RTN1: variants seen among roughly 807,000 people sequenced by gnomAD.
The protein encoded by RTN1 is reticulon 1, also known as reticulon-1.
A neutral mutation model predicts 65.5 loss-of-function variants in RTN1; 25 were observed. The observed-to-expected ratio is 0.38, with a 90% CI of 0.28 to 0.53. RTN1 has a LOEUF of 0.53. RTN1 is among the 20% of genes least tolerant of loss of function. RTN1 has a pLI of 0.79. For synonymous variants in RTN1, 471 were observed against 447.6 expected (o/e 1.05, Z -0.66); for missense variants, 983 against 1,025.4 (o/e 0.96, Z 0.57).
Position 59,794,743 on chromosome 14 carries a change from C to G in RTN1, c.242-48262G>C, listed in dbSNP as rs1388163842. ...AGGAAAAAGAAAGGAAAGAACATAC[C>G]CTTTTCTTTTCAGGGAACAATTCAG... On this transcript the variant is annotated intron_variant, in intron 1 of 8. Transcript: ENST00000267484. The surrounding 1 kb of genome is among the most constrained non-coding windows in gnomAD (Gnocchi z 5.1). Among the ~76,000 whole-genome samples, 1 of 151,742 alleles carries G rather than the reference C, an allele frequency of 6.6e-6. No individual in the cohort carries two copies. The highest frequency in any genetic ancestry group is 1.5e-5 in the Non-Finnish European group (1 of 67,980).
chr14:59,754,799 G>C (rs1885602602), intron 1 of RTN1, among the ~76,000 whole-genome samples: 1 of 152,134 alleles, frequency 6.6e-6, no homozygotes, highest in Non-Finnish European at 1.5e-5. Context: ...GAGTGGGCCA[G>C]AAGGAGTTTC....
intron 1 of RTN1, among the ~76,000 whole-genome samples, chr14:59,798,211 C>T (rs1452618489): frequency 6.6e-6 from 1 of 152,114 alleles, no homozygotes; most frequent in Non-Finnish European, 1.5e-5. Flanking sequence ...CTTGGCTATA[C>T]AAACAAGTAC....
At chr14:59,861,366 T>C (rs1296644907) in intron 1 of RTN1, among the ~76,000 whole-genome samples, 3 of 152,216 alleles carry the variant, frequency 2.0e-5, no homozygotes, top group African/African-American at 7.2e-5. Context: ...CTGCCATGAT[T>C]GTGAGGCCTC....
intron 3 of RTN1, among the ~76,000 whole-genome samples, chr14:59,721,854 G>A (rs1884654606): frequency 6.6e-6 from 1 of 152,088 alleles, no homozygotes; most frequent in Non-Finnish European, 1.5e-5. Context: ...CTTTGTCTCA[G>A]GCTAATGAGT....
intron 3 of RTN1, among the ~76,000 whole-genome samples, chr14:59,697,807 T>C (rs1225974246): frequency 1.3e-5 from 2 of 152,126 alleles, no homozygotes; most frequent in African/African-American, 4.8e-5. Flanking sequence ...TGTCTTCAGG[T>C]TGAATCAGTA....
At chr14:59,601,615 T>C (rs1300988860) in intron 8 of RTN1, among the ~76,000 whole-genome samples, 2 of 152,206 alleles carry the variant, frequency 1.3e-5, no homozygotes, top group Non-Finnish European at 2.9e-5. Context: ...GTATGATTTG[T>C]GATACTCAAA....
intron 3 of RTN1, among the ~76,000 whole-genome samples, chr14:59,684,071 T>C (rs1221892350): frequency 6.6e-6 from 1 of 152,076 alleles, no homozygotes; most frequent in Non-Finnish European, 1.5e-5. Context: ...TGCAATGTTA[T>C]AATCACAAAA....
chr14:59,793,636 C>CACCA (rs771792171), intron 1 of RTN1, among the ~76,000 whole-genome samples: 21,100 of 144,100 alleles, frequency 0.15, 1,757 homozygotes, highest in African/African-American at 0.25. Flanking sequence ...CAGGCACACA[C>CACCA]CACACACACA....
rs190694150 is a variant in RTN1, at chr14:59,808,814, C to G, written c.241+61576G>C. ...CATTTAAAAGTGTGTGGCACCTCCC[C>G]CTACTTTCTCTCTTGCTCCTGCTCC... On this transcript the variant is annotated intron_variant, in intron 1 of 8. Transcript: ENST00000267484. Among the ~76,000 whole-genome samples, 501 of 152,156 alleles carry G rather than the reference C, an allele frequency of 3.3e-3. 2 individuals are homozygous for G. Among genetic ancestry groups the G allele is most frequent in the Non-Finnish European group, 5.1e-3 (347 of 68,002 alleles).
chr14:59,656,825 G>C (rs932175341), intron 3 of RTN1, among the ~76,000 whole-genome samples: 16 of 152,212 alleles, frequency 1.1e-4, no homozygotes, highest in Non-Finnish European at 4.4e-5. Context: ...ACACAGGCAT[G>C]ACTGCATTTG....
chr14:59,681,599 A>G (rs1157311818), intron 3 of RTN1, among the ~76,000 whole-genome samples: 1 of 152,140 alleles, frequency 6.6e-6, no homozygotes, highest in East Asian at 1.9e-4. Context: ...ACCACCAGAC[A>G]TGGGTACCAC....
At chr14:59,845,733 T>C (rs1390621142) in intron 1 of RTN1, among the ~76,000 whole-genome samples, 1 of 152,198 alleles carries the variant, frequency 6.6e-6, no homozygotes, top group Non-Finnish European at 1.5e-5. Flanking sequence ...CTACTACTTG[T>C]CCATATCTGA....
chr14:59,803,866 G>A lies in RTN1; in HGVS notation c.242-57385C>T, dbSNP rs1272197788. ...ACTTAATTGTCTAAATGTGATTTAG[G>A]GTTTTATTTATTTATTTATGTTTAC... On this transcript the variant is annotated intron_variant, in intron 1 of 8. Coordinates refer to ENST00000267484, the MANE Select transcript of RTN1 (RefSeq NM_021136.3). The surrounding 1 kb of genome is among the most constrained non-coding windows in gnomAD (Gnocchi z 5.6). Among the ~76,000 whole-genome samples the A allele has an allele frequency of 6.6e-6, 1 of 151,900 alleles. No individual in the cohort carries two copies. Among genetic ancestry groups the A allele is most frequent in the Non-Finnish European group, 1.5e-5 (1 of 67,972 alleles).
At chr14:59,828,245 T>C (rs1887067390) in intron 1 of RTN1, among the ~76,000 whole-genome samples, 1 of 152,268 alleles carries the variant, frequency 6.6e-6, no homozygotes, top group Admixed American at 6.5e-5. Context: ...AATTAAAATA[T>C]GATCACAACT....
chr14:59,830,393 C>T (rs577216674), intron 1 of RTN1, among the ~76,000 whole-genome samples: 5 of 152,134 alleles, frequency 3.3e-5, no homozygotes, highest in African/African-American at 4.8e-5. Flanking sequence ...CCTTTCATAA[C>T]GTCAAGGAAG....
At chr14:59,605,851 T>C (rs953676602) in intron 4 of RTN1, 3 of 179,870 alleles carry the variant, frequency 1.7e-5, no homozygotes, top group African/African-American at 7.0e-5. Context: ...CATGACTTCA[T>C]GGAGATAAAT....
At chr14:59,740,874 T>C (rs781727735) in intron 2 of RTN1, among the ~76,000 whole-genome samples, 12 of 152,150 alleles carry the variant, frequency 7.9e-5, no homozygotes, top group Non-Finnish European at 1.3e-4. Context: ...AGACTGACAC[T>C]GCAAAGCTAG....
At chr14:59,822,241 G>A (rs143091766) in intron 1 of RTN1, among the ~76,000 whole-genome samples, 62 of 152,244 alleles carry the variant, frequency 4.1e-4, no homozygotes, top group African/African-American at 1.4e-3. Context: ...AGTCTTGGGA[G>A]GTTGTATGTT....
intron 2 of RTN1, among the ~76,000 whole-genome samples, chr14:59,731,201 G>T (rs1016153612): frequency 2.0e-5 from 3 of 152,132 alleles, no homozygotes; most frequent in Non-Finnish European, 1.5e-5. Flanking sequence ...ACTGATATGT[G>T]TTACAACATG....
Sources: gnomAD v4.1 joint callset for allele counts (sites outside exome capture counted in the v4.1 genomes callset) on GRCh38, gnomAD v4.1.1 for gene constraint, Gnocchi (gnomAD v3.1) non-coding constraint, MANE v1.5 for transcripts, NCBI Gene and HGNC (gene_info 2026-07-23, HGNC 2026-07-21) for gene names.